CRISPLD2: variants seen among roughly 807,000 people sequenced by gnomAD.
CRISPLD2 encodes the protein cysteine rich secretory protein LCCL domain containing 2.
CRISPLD2 carries 47 observed loss-of-function variants against 71.1 expected under a neutral mutation model. That is an observed-to-expected ratio of 0.66 (90% confidence interval 0.52 to 0.84). The LOEUF is 0.84. Ranked by LOEUF, CRISPLD2 falls within the 40% of genes least tolerant of loss-of-function variation. The pLI is 0.00. For missense variants in CRISPLD2, 830 were observed against 651.1 expected, an observed-to-expected ratio of 1.27 and a Z score of -2.99; for synonymous variants, 317 against 250.1, an observed-to-expected ratio of 1.27 and a Z score of -2.52.
At chr16:84,897,053 C>T (rs539477568) in intron 14 of CRISPLD2, among the ~76,000 whole-genome samples, 57 of 152,326 alleles carry the variant, frequency 3.7e-4, no homozygotes, top group Admixed American at 7.2e-4. Context: ...GCCCCACGTG[C>T]CTGTCCCTGG....
chr16:84,904,395 C>T (rs567508894), intron 14 of CRISPLD2, among the ~76,000 whole-genome samples: 3 of 152,064 alleles, frequency 2.0e-5, no homozygotes, highest in South Asian at 2.1e-4. Context: ...AGCAGCCTGG[C>T]CAACATGGCA....
chr16:84,875,220 GA>G (rs1436423035), intron 11 of CRISPLD2, among the ~76,000 whole-genome samples: 2 of 151,736 alleles, frequency 1.3e-5, no homozygotes, highest in Admixed American at 6.6e-5. Flanking sequence ...CAGCCTGGGT[GA>G]CAGAGCAAGA....
At chr16:84,837,732 A>G (rs1280416046) in intron 1 of CRISPLD2, among the ~76,000 whole-genome samples, 1 of 152,034 alleles carries the variant, frequency 6.6e-6, no homozygotes, top group Non-Finnish European at 1.5e-5. Context: ...CAGGTTTCTT[A>G]TCTGTAAAAT....
chr16:84,866,983 C>G lies in CRISPLD2; in HGVS notation c.796C>G (p.Gln266Glu), dbSNP rs750392265. Residue 266 changes from glutamine to glutamate, a missense_variant, in exon 7 of 15, where the codon CAA (glutamine) becomes GAA (glutamate). By Grantham distance (29) the Gln-to-Glu change is conservative. Transcript: ENST00000262424. Reference protein sequence around the residue: ...PIPEENHVWLQPRVMRPTKPK... With the variant: ...PIPEENHVWLEPRVMRPTKPK... ...TCCTGAAGAAAACCATGTTTGGCTCCAACCGAGGGTGATGAGACCCACCAA... is the reference window on the plus strand; with the variant it reads ...TCCTGAAGAAAACCATGTTTGGCTCGAACCGAGGGTGATGAGACCCACCAA... 6.2e-7 allele frequency: 1 copy of G among 1,614,044 alleles called. No individual in the cohort carries two copies.
At chr16:84,887,036 T>C (rs577846878) in intron 13 of CRISPLD2, among the ~76,000 whole-genome samples, 21 of 152,286 alleles carry the variant, frequency 1.4e-4, no homozygotes, top group Non-Finnish European at 2.1e-4. Context: ...GGATGCCTCC[T>C]ATAAATGAAA....
intron 13 of CRISPLD2, 151 bp downstream of exon 13, chr16:84,880,735 T>C: frequency 1.8e-6 from 1 of 556,140 alleles, no homozygotes; most frequent in Non-Finnish European, 3.1e-6. Flanking sequence ...AGATGGAGTC[T>C]TACTCTGTTG....
In CRISPLD2 at chr16:84,830,834, G is replaced by A. The variant is rs555715351; in HGVS notation, c.-74-7588G>A. ...GATTATCAGTGTCTATGGGATCTGC[G>A]TGATGGAAAGGCTGCGTGACCGTGT... is the stretch of plus-strand genomic sequence containing the variant. On this transcript the variant is annotated intron_variant, in intron 1 of 14. Coordinates refer to ENST00000262424, the MANE Select transcript of CRISPLD2 (RefSeq NM_031476.4). 5.3e-5 allele frequency among the ~76,000 whole-genome samples: 8 copies of A among 152,260 alleles called. No homozygotes were observed. In the South Asian group the frequency reaches 8.3e-4, roughly 16 times the overall value.
chr16:84,850,303 C>G (rs1433518886), intron 4 of CRISPLD2, among the ~76,000 whole-genome samples: 2 of 152,026 alleles, frequency 1.3e-5, no homozygotes, highest in Non-Finnish European at 2.9e-5. Context: ...GTTGGTCAGG[C>G]TGGTCTCAAA....
At chr16:84,822,703 G>T (rs1295882969) in intron 1 of CRISPLD2, among the ~76,000 whole-genome samples, 1 of 152,160 alleles carries the variant, frequency 6.6e-6, no homozygotes, top group Admixed American at 6.5e-5. Flanking sequence ...GAGTGGAACA[G>T]ATGCTCAGAC....
intron 1 of CRISPLD2, among the ~76,000 whole-genome samples, chr16:84,826,884 C>T (rs915656923): frequency 1.2e-4 from 18 of 152,286 alleles, no homozygotes; most frequent in South Asian, 1.0e-3. Context: ...GGAAAGGCCC[C>T]GGGATTTTCT....
intron 14 of CRISPLD2, among the ~76,000 whole-genome samples, chr16:84,905,419 A>G (rs1004844309): frequency 2.0e-5 from 3 of 151,728 alleles, no homozygotes; most frequent in Non-Finnish European, 4.4e-5. Context: ...TTGTTTTTTG[A>G]AACAGAGTCT....
At chr16:84,849,780 CTTAG>C (rs10536185) in intron 4 of CRISPLD2, among the ~76,000 whole-genome samples, 98,671 of 151,238 alleles carry the variant, frequency 0.65, 33,414 homozygotes, top group Middle Eastern at 0.81. Flanking sequence ...GTGGCATGAT[CTTAG>C]TTAGCTTAGT....
At chr16:84,878,708 C>G (rs2071542570) in intron 12 of CRISPLD2, among the ~76,000 whole-genome samples, 1 of 152,166 alleles carries the variant, frequency 6.6e-6, no homozygotes, top group African/African-American at 2.4e-5. Flanking sequence ...GAAGGGAACA[C>G]AGGAACATCC....
At position 84,907,313 on chromosome 16, in the gene CRISPLD2, C is replaced by G. The variant is rs2071812256; in HGVS notation, c.*671C>G. 6.5e-6 allele frequency: 1 copy of G among 154,266 alleles called. No individual in the cohort carries two copies. Among genetic ancestry groups the G allele is most frequent in the African/African-American group, 2.4e-5 (1 of 41,456 alleles). 9.6% of individuals were successfully genotyped at this position (154,266 alleles called of 1,614,324 possible). Reference sequence around the variant, plus strand: ...CAGGATGGCTCTATACACAGCAGTGCTGGTTTATGTAGAGTTCAGCAGTCA... The same window carrying G: ...CAGGATGGCTCTATACACAGCAGTGGTGGTTTATGTAGAGTTCAGCAGTCA... On this transcript the variant is annotated 3_prime_UTR_variant, in exon 15 of 15. Coordinates refer to ENST00000262424, the MANE Select transcript of CRISPLD2 (RefSeq NM_031476.4).
At chr16:84,820,465 G>T (rs1024385609) in intron 1 of CRISPLD2, among the ~76,000 whole-genome samples, 7 of 152,182 alleles carry the variant, frequency 4.6e-5, no homozygotes, top group African/African-American at 1.7e-4. Flanking sequence ...TTGCATTCCT[G>T]TGTTCGTAGT....
At chr16:84,822,275 A>G (rs977032035) in intron 1 of CRISPLD2, among the ~76,000 whole-genome samples, 1 of 152,256 alleles carries the variant, frequency 6.6e-6, no homozygotes, top group African/African-American at 2.4e-5. Flanking sequence ...GGCCTGAGCT[A>G]GGGAAGAAGA....
At chr16:84,852,362 A>T (rs1917113531) in intron 5 of CRISPLD2, among the ~76,000 whole-genome samples, 1 of 151,858 alleles carries the variant, frequency 6.6e-6, no homozygotes. Context: ...CTCGTGCCCT[A>T]CAAAGTGCCC....
intron 7 of CRISPLD2, among the ~76,000 whole-genome samples, chr16:84,867,756 AG>A (rs1917581250): frequency 6.6e-6 from 1 of 152,120 alleles, no homozygotes; most frequent in Non-Finnish European, 1.5e-5. Context: ...TAGTAGAGAA[AG>A]GGAGATGTTT....
At chr16:84,884,728 G>A (rs905323475) in intron 13 of CRISPLD2, among the ~76,000 whole-genome samples, 6 of 152,220 alleles carry the variant, frequency 3.9e-5, no homozygotes, top group Admixed American at 1.3e-4. Flanking sequence ...CCGGCCATGG[G>A]TGTGAGCTTT....
Sources: gnomAD v4.1 joint callset for allele counts (sites outside exome capture counted in the v4.1 genomes callset) on GRCh38, gnomAD v4.1.1 for gene constraint, MANE v1.5 for transcripts, NCBI Gene and HGNC (gene_info 2026-07-23, HGNC 2026-07-21) for gene names.